SLCO3A1: variants seen among roughly 807,000 people sequenced by gnomAD.
SLCO3A1 encodes the protein solute carrier organic anion transporter family member 3A1, also known as PGE1 transporter.
SLCO3A1 carries 27 observed loss-of-function variants against 63.1 expected under a neutral mutation model. That is an observed-to-expected ratio of 0.43 (90% CI 0.32 to 0.59). The LOEUF (loss-of-function observed/expected upper bound fraction) is 0.59. Ranked by LOEUF, SLCO3A1 falls within the 20% of genes least tolerant of loss-of-function variation. The pLI, the probability that SLCO3A1 is intolerant of heterozygous loss-of-function variation, is 0.09. For synonymous variants in SLCO3A1, 473 were observed against 409.9 expected, an observed-to-expected ratio of 1.15 and a Z score of -1.86; for missense variants, 773 against 945.8, an observed-to-expected ratio of 0.82 and a Z score of 2.40.
rs1423910571 is a variant in SLCO3A1 at position 91,968,708 on chromosome 15, C to T, written c.646+52250C>T. Among the ~76,000 whole-genome samples, 1 of 152,204 alleles carries T rather than the reference C, an allele frequency of 6.6e-6. No homozygotes were observed. The highest frequency in any genetic ancestry group is 2.4e-5 in the African/African-American group (1 of 41,442). ...GCACACGCAGACCCGCAAGCACAGCCTTCGCACGTGTGCTCACACAGCCGC... is the reference window on the plus strand; with the variant it reads ...GCACACGCAGACCCGCAAGCACAGCTTTCGCACGTGTGCTCACACAGCCGC... On this transcript the variant is annotated intron_variant, in intron 2 of 9. Coordinates refer to ENST00000318445, the MANE Select transcript of SLCO3A1 (RefSeq NM_013272.4). This position sits in a 1 kb window ranked among gnomAD's most constrained non-coding sequence, Gnocchi z 4.2.
chr15:91,888,767 G>C (rs891215272), intron 1 of SLCO3A1, among the ~76,000 whole-genome samples: 2 of 152,072 alleles, frequency 1.3e-5, no homozygotes, highest in African/African-American at 4.8e-5. Flanking sequence ...AAGATCATTT[G>C]AGGCCAGTAG....
chr15:91,853,829 C>T lies in SLCO3A1; in HGVS notation c.-80C>T. On this transcript the variant is annotated 5_prime_UTR_variant, in exon 1 of 10. Coordinates refer to ENST00000318445, the MANE Select transcript of SLCO3A1 (RefSeq NM_013272.4). ...CAGCACGCAGCCTCGAGGCGCGCAC[C>T]CCCGCCCGGCAGCGGCCCCGACACC... 1 of 1,182,724 alleles carries T rather than the reference C, an allele frequency of 8.5e-7. No individual in the cohort carries two copies. Among genetic ancestry groups the T allele is most frequent in the African/African-American group, 1.7e-5 (1 of 59,722 alleles). 73.3% of individuals were successfully genotyped at this position (1,182,724 alleles called of 1,614,324 possible). A position where few individuals can be genotyped will look rare whatever the true frequency, so the allele number is the denominator to read the frequency against.
At chr15:92,169,167 G>A (rs2048508439), downstream of SLCO3A1, among the ~76,000 whole-genome samples, 1 of 152,226 alleles carries the variant, frequency 6.6e-6, no homozygotes, top group South Asian at 2.1e-4. Context: ...ACCCTGTGAG[G>A]TAGGAGCTGT....
At chr15:91,902,564 G>A (rs750712004) in intron 1 of SLCO3A1, among the ~76,000 whole-genome samples, 12 of 151,950 alleles carry the variant, frequency 7.9e-5, no homozygotes, top group Non-Finnish European at 5.9e-5. Flanking sequence ...AACCTACATG[G>A]GAGTAGGAGG....
In SLCO3A1 at chr15:92,171,688, C is replaced by T. The variant is rs2048522319; in HGVS notation, c.1997-92C>T. 4.5e-6 allele frequency: 4 copies of T among 898,412 alleles called. No individual in the cohort carries two copies. The East Asian group carries it at 1.1e-4, about 24-fold the overall frequency. The allele number at this position is 898,412 out of a possible 1,614,324, so 55.7% of individuals were successfully genotyped here. On this transcript the variant is annotated intron_variant, in intron 10 of 10. Coordinates refer to the SLCO3A1 transcript ENST00000424469. ...TCTTGTCCCTTCACTGCAAAGCCAT[C>T]ATGCTATTAAATAAGCCTAACAAAC...
intron 2 of SLCO3A1, among the ~76,000 whole-genome samples, chr15:92,024,716 T>C (rs989979387): frequency 6.6e-6 from 1 of 152,174 alleles, no homozygotes; most frequent in Non-Finnish European, 1.5e-5. Context: ...GATTAGAGGC[T>C]AGAGAATTAG....
chr15:92,095,429 G>T (rs1010259124), intron 3 of SLCO3A1, among the ~76,000 whole-genome samples: 2 of 152,332 alleles, frequency 1.3e-5, no homozygotes, highest in African/African-American at 2.4e-5. Flanking sequence ...TACAAACGGG[G>T]TCAATGAGAC....
chr15:91,977,330 T>C (rs1298404180), intron 2 of SLCO3A1, among the ~76,000 whole-genome samples: 2 of 152,130 alleles, frequency 1.3e-5, no homozygotes, highest in African/African-American at 2.4e-5. Flanking sequence ...TCATGGCTCA[T>C]TGAGAGAAGC....
At chr15:92,140,977 A>C (rs1279815619) in intron 7 of SLCO3A1, among the ~76,000 whole-genome samples, 2 of 152,148 alleles carry the variant, frequency 1.3e-5, no homozygotes, top group African/African-American at 4.8e-5. Flanking sequence ...ATGTCCTTTT[A>C]TGCCTGGGCA....
chr15:91,855,313 G>A (rs938086903), intron 1 of SLCO3A1, among the ~76,000 whole-genome samples: 2 of 152,150 alleles, frequency 1.3e-5, no homozygotes, highest in African/African-American at 4.8e-5. Context: ...ACTGTTAAAG[G>A]GAAATACAAG....
chr15:92,044,964 C>A (rs552358864), intron 2 of SLCO3A1, among the ~76,000 whole-genome samples: 2 of 152,082 alleles, frequency 1.3e-5, no homozygotes, highest in Non-Finnish European at 2.9e-5. Context: ...ATCCTCTGAG[C>A]CTTGGCTCAA....
intron 2 of SLCO3A1, among the ~76,000 whole-genome samples, chr15:92,016,204 T>TATAGATACATAC (rs58884056): frequency 8.3e-6 from 1 of 120,122 alleles, no homozygotes; most frequent in Non-Finnish European, 1.7e-5. Flanking sequence ...TATATATTTA[T>TATAGATACATAC]ATAGATAGAT....
rs1896849229 is a variant in SLCO3A1 at position 91,854,121 on chromosome 15, C to G, written c.180+33C>G. 1.4e-6 allele frequency: 2 copies of G among 1,432,110 alleles called. No individual in the cohort carries two copies. The highest frequency in any genetic ancestry group is 1.8e-6 in the Non-Finnish European group (2 of 1,082,686). The allele number at this position is 1,432,110 out of a possible 1,614,324, so 88.7% of individuals were successfully genotyped here. A position where few individuals can be genotyped will look rare whatever the true frequency, so the allele number is the denominator to read the frequency against. The stretch of plus-strand genomic sequence containing the variant: ...CCCGAGCCAACTCCGCCGCGGGCCC[C>G]TTCCCCAGCCCGGCTCTCGAGCGGC... On this transcript the variant is annotated intron_variant, in intron 1 of 9. Coordinates refer to ENST00000318445, the MANE Select transcript of SLCO3A1 (RefSeq NM_013272.4). The surrounding 1 kb of genome is among the most constrained non-coding windows in gnomAD (Gnocchi z 6.4).
At chr15:92,026,910 G>A (rs906166714) in intron 2 of SLCO3A1, among the ~76,000 whole-genome samples, 1 of 152,154 alleles carries the variant, frequency 6.6e-6, no homozygotes, top group Non-Finnish European at 1.5e-5. Context: ...CCAACATGGT[G>A]AAACCCCATC....
At chr15:92,166,016 C>T (rs139379839), downstream of SLCO3A1, 183 of 437,570 alleles carry the variant, frequency 4.2e-4, 4 homozygotes, top group South Asian at 1.3e-3. Flanking sequence ...GTAACTCCTA[C>T]GTAGAGACAA....
At chr15:91,955,681 A>G (rs972772179) in intron 2 of SLCO3A1, among the ~76,000 whole-genome samples, 6 of 152,216 alleles carry the variant, frequency 3.9e-5, no homozygotes, top group African/African-American at 1.4e-4. Context: ...TTGTATCCCT[A>G]GGCTGAACAC....
intron 2 of SLCO3A1, among the ~76,000 whole-genome samples, chr15:91,978,574 T>C (rs530189276): frequency 3.8e-4 from 56 of 147,314 alleles, no homozygotes; most frequent in African/African-American, 1.3e-3. Context: ...AATGTGTTAC[T>C]TTTTTCCCCC....
chr15:91,984,067 T>A (rs1347950432), intron 2 of SLCO3A1, among the ~76,000 whole-genome samples: 1 of 152,192 alleles, frequency 6.6e-6, no homozygotes, highest in East Asian at 1.9e-4. Flanking sequence ...GGGTTCTGTT[T>A]ATCCAGACCA....
intron 4 of SLCO3A1, among the ~76,000 whole-genome samples, chr15:92,118,583 G>A (rs566122315): frequency 1.2e-4 from 18 of 152,200 alleles, no homozygotes; most frequent in Non-Finnish European, 1.8e-4. Context: ...GAGTTGGGCC[G>A]CTTAGAGGTT....
Sources: allele counts gnomAD v4.1 joint callset (sites outside exome capture counted in the v4.1 genomes callset), GRCh38; gene constraint gnomAD v4.1.1; non-coding constraint Gnocchi (gnomAD v3.1); transcripts MANE v1.5; gene names NCBI Gene and HGNC (gene_info 2026-07-23, HGNC 2026-07-21).